MAGI3: variants seen among roughly 807,000 people sequenced by gnomAD.
MAGI3 encodes membrane associated guanylate kinase, WW and PDZ domain containing 3.
MAGI3 carries 43 observed loss-of-function variants against 121.8 expected under a neutral mutation model. The ratio of observed to expected loss-of-function variants is 0.35; its 90% CI spans 0.28 to 0.46. The LOEUF is 0.46. Among genes scored for constraint, MAGI3 ranks in the 20% least tolerant of loss-of-function variants. MAGI3 has a pLI of 1.00. For missense variants in MAGI3, 1,547 were observed against 1,797.3 expected (o/e 0.86, Z 2.52); for synonymous variants, 553 against 639.3 (o/e 0.86, Z 2.04).
At chr1:113,417,515 G>A (rs1652517297) in intron 1 of MAGI3, among the ~76,000 whole-genome samples, 1 of 152,054 alleles carries the variant, frequency 6.6e-6, no homozygotes, top group African/African-American at 2.4e-5. Context: ...CTGGGCTCAT[G>A]GTAGCTTAAT....
rs749072939 is a variant in MAGI3 at position 113,580,669 on chromosome 1, C to A, written c.553+8C>A. ...AAAGTGGGACATATGATGGTATGTCCCCAAATAACATCACTACCACCCAAA... is the reference window on the plus strand; with the variant it reads ...AAAGTGGGACATATGATGGTATGTCACCAAATAACATCACTACCACCCAAA... On this transcript the variant is annotated splice_region_variant and intron_variant, in intron 3 of 20. Transcript: ENST00000307546. 1 of 1,592,318 alleles carries A rather than the reference C, an allele frequency of 6.3e-7. No homozygotes were observed. The highest frequency in any genetic ancestry group is 1.7e-5 in the Admixed American group (1 of 57,462).
At chr1:113,593,544 A>G (rs922666204) in intron 5 of MAGI3, among the ~76,000 whole-genome samples, 3 of 151,914 alleles carry the variant, frequency 2.0e-5, no homozygotes, top group Non-Finnish European at 4.4e-5. Flanking sequence ...CTCTGTCTCA[A>G]AATAATAATA....
intron 1 of MAGI3, among the ~76,000 whole-genome samples, chr1:113,421,846 C>G (rs1652747713): frequency 6.6e-6 from 1 of 151,662 alleles, no homozygotes; most frequent in Non-Finnish European, 1.5e-5. Flanking sequence ...ACGCTAATGT[C>G]TGAAACCACC....
chr1:113,504,069 TAGAA>T (rs1380918527), intron 1 of MAGI3, among the ~76,000 whole-genome samples: 1 of 152,032 alleles, frequency 6.6e-6, no homozygotes, highest in Admixed American at 6.6e-5. Context: ...AACCAGATGT[TAGAA>T]AGGAGATTTC....
At chr1:113,462,620 G>A (rs146748678) in intron 1 of MAGI3, among the ~76,000 whole-genome samples, 56 of 152,096 alleles carry the variant, frequency 3.7e-4, no homozygotes, top group African/African-American at 1.2e-3. Flanking sequence ...TTAATACCTG[G>A]GTGATGAGAT....
At chr1:113,593,848 C>A (rs1648838278) in intron 5 of MAGI3, among the ~76,000 whole-genome samples, 1 of 152,008 alleles carries the variant, frequency 6.6e-6, no homozygotes. Context: ...TCCCTTTTTT[C>A]CTGTGTGGAT....
At chr1:113,487,942 ATAAT>A (rs1656469254) in intron 1 of MAGI3, among the ~76,000 whole-genome samples, 2 of 152,224 alleles carry the variant, frequency 1.3e-5, no homozygotes, top group African/African-American at 2.4e-5. Flanking sequence ...GTTTAACAAA[ATAAT>A]TAATTCTTTG....
intron 1 of MAGI3, among the ~76,000 whole-genome samples, chr1:113,418,028 TG>T (rs898297372): frequency 9.2e-5 from 14 of 152,246 alleles, no homozygotes; most frequent in African/African-American, 3.4e-4. Context: ...TTCACTTCCT[TG>T]TCTGGGCTTT....
intron 2 of MAGI3, among the ~76,000 whole-genome samples, chr1:113,558,493 G>A (rs11102653): frequency 0.22 from 34,157 of 151,832 alleles, 4,890 homozygotes; most frequent in East Asian, 0.65. Flanking sequence ...ATTAAGACAG[G>A]CAGACAAGAA....
chr1:113,449,668 C>A (rs1241527987), intron 1 of MAGI3: 1 of 766,296 alleles, frequency 1.3e-6, no homozygotes, highest in African/African-American at 1.7e-5. Flanking sequence ...CGATATTGAA[C>A]TCGAGTTGGA....
chr1:113,537,095 C>A (rs890978553), intron 1 of MAGI3, among the ~76,000 whole-genome samples: 8 of 152,164 alleles, frequency 5.3e-5, no homozygotes, highest in Admixed American at 2.0e-4. Context: ...TTGGCTCTTA[C>A]CATTAGCACA....
At position 113,659,064 on chromosome 1, in the gene MAGI3, G is replaced by A. The variant is rs373376535; in HGVS notation, c.2630-16G>A. 100 of 1,564,444 alleles carry A rather than the reference G, an allele frequency of 6.4e-5. No individual in the cohort carries two copies. The highest frequency in any genetic ancestry group is 8.1e-5 in the Non-Finnish European group (94 of 1,154,372). On this transcript the variant is annotated splice_polypyrimidine_tract_variant and intron_variant, in intron 15 of 20. Transcript: ENST00000307546. ...ATCTTAAATAATTGAAAAACCTGGGGTTTTTTTTCCCATAGTTATTCCTCA... is the reference window on the plus strand; with the variant it reads ...ATCTTAAATAATTGAAAAACCTGGGATTTTTTTTCCCATAGTTATTCCTCA...
rs372187747 is a variant in MAGI3 at position 113,543,353 on chromosome 1, T to C, written c.317-6162T>C. ...AATTAAAACCTACTTTAAAGACTCA[T>C]AGAGCTTGCTGCTTTAATGAAGAAT... On this transcript the variant is annotated intron_variant, in intron 1 of 20. Coordinates refer to ENST00000307546, the MANE Select transcript of MAGI3 (RefSeq NM_001142782.2). Among the ~76,000 whole-genome samples, 4 of 152,220 alleles carry C rather than the reference T, an allele frequency of 2.6e-5. No individual in the cohort carries two copies. In the East Asian group the frequency reaches 7.7e-4, roughly 29 times the overall value.
intron 1 of MAGI3, among the ~76,000 whole-genome samples, chr1:113,485,158 T>C (rs1223110358): frequency 2.6e-5 from 4 of 152,232 alleles, no homozygotes; most frequent in South Asian, 2.1e-4. Flanking sequence ...TAATGACTTC[T>C]TTTCCTCTGG....
chr1:113,622,465 G>A lies in MAGI3; in HGVS notation c.1172-341G>A, dbSNP rs188398903. Among the ~76,000 whole-genome samples, 12 of 152,276 alleles carry A rather than the reference G, an allele frequency of 7.9e-5. No individual in the cohort carries two copies. The East Asian group carries it at 2.3e-3, about 29-fold the overall frequency. Reference sequence around the variant, plus strand: ...AGTTATAAATCAAAGACTGCAGAAAGCCTGAGCTGTGAATTATAAAAATTC... The same window carrying A: ...AGTTATAAATCAAAGACTGCAGAAAACCTGAGCTGTGAATTATAAAAATTC... On this transcript the variant is annotated intron_variant, in intron 8 of 20. Coordinates refer to ENST00000307546, the MANE Select transcript of MAGI3 (RefSeq NM_001142782.2).
intron 4 of MAGI3, among the ~76,000 whole-genome samples, chr1:113,587,351 C>T (rs1394659934): frequency 6.6e-6 from 1 of 152,026 alleles, no homozygotes; most frequent in Non-Finnish European, 1.5e-5. Context: ...ATGTGCCACC[C>T]TGCCCAGATA....
At chr1:113,408,547 T>C (rs1227700714) in intron 1 of MAGI3, among the ~76,000 whole-genome samples, 1 of 145,366 alleles carries the variant, frequency 6.9e-6, no homozygotes, top group African/African-American at 2.9e-5. Context: ...GTCAAACTAA[T>C]TGTCTGTCTT....
At chr1:113,615,621 C>T (rs1650413990) in intron 7 of MAGI3, among the ~76,000 whole-genome samples, 1 of 152,100 alleles carries the variant, frequency 6.6e-6, no homozygotes, top group Admixed American at 6.6e-5. Flanking sequence ...CAGGTTGTTA[C>T]TTGAGTCACT....
At chr1:113,470,120 G>A (rs1655473269) in intron 1 of MAGI3, among the ~76,000 whole-genome samples, 1 of 151,754 alleles carries the variant, frequency 6.6e-6, no homozygotes, top group South Asian at 2.1e-4. Flanking sequence ...ATTCTAGGTA[G>A]AAAAATGAAT....
Sources: gnomAD v4.1 joint callset for allele counts (sites outside exome capture counted in the v4.1 genomes callset) on GRCh38, gnomAD v4.1.1 for gene constraint, MANE v1.5 for transcripts, NCBI Gene and HGNC (gene_info 2026-07-23, HGNC 2026-07-21) for gene names.